Variants in SHISA9 observed in about 807,000 individuals in gnomAD.
SHISA9 encodes shisa family member 9.
A neutral mutation model predicts 38.0 loss-of-function variants in SHISA9; 13 were observed. The observed-to-expected ratio is 0.34, with a 90% CI of 0.22 to 0.54. The LOEUF (loss-of-function observed/expected upper bound fraction) is 0.54, where lower values mean the gene tolerates loss of function less well. SHISA9 is among the 20% of genes least tolerant of loss of function. The probability of loss-of-function intolerance (pLI) is 0.91; values close to 1 mark genes in which losing one functional copy is unlikely to be tolerated. For missense variants in SHISA9, 538 were observed against 575.8 expected (o/e 0.93, Z 0.67); for synonymous variants, 275 against 242.0 (o/e 1.14, Z -1.27).
At chr16:13,260,007 C>CTCTTTTTTTTTTTTTTTTTT in the SHISA9 span, among the ~76,000 whole-genome samples, 4 of 60,418 alleles carry the variant, frequency 6.6e-5, no homozygotes, top group Non-Finnish European at 1.2e-4. Context: ...TTCTTTCTTT[C>CTCTTTTTTTTTTTTTTTTTT]TTTTTTTTTT....
intron 2 of SHISA9, among the ~76,000 whole-genome samples, chr16:13,110,868 A>G (rs1265475660): frequency 6.6e-6 from 1 of 152,200 alleles, no homozygotes; most frequent in Non-Finnish European, 1.5e-5. Context: ...CTTAGTGGTA[A>G]CTGATCCTCC....
At chr16:13,301,319 T>G in the SHISA9 span, among the ~76,000 whole-genome samples, 1 of 152,348 alleles carries the variant, frequency 6.6e-6, no homozygotes, top group South Asian at 2.1e-4. Context: ...GAAGAACCAC[T>G]TGGAGAGTCT....
At chr16:13,104,741 G>A (rs1042881821) in intron 2 of SHISA9, among the ~76,000 whole-genome samples, 6 of 152,060 alleles carry the variant, frequency 3.9e-5, no homozygotes, top group Non-Finnish European at 8.8e-5. Context: ...GACGTTTTGG[G>A]GGTGCTGAAA....
the SHISA9 span, among the ~76,000 whole-genome samples, chr16:13,397,455 C>G: frequency 2.6e-5 from 4 of 151,658 alleles, no homozygotes; most frequent in African/African-American, 9.8e-5. Context: ...TAGGCAGAGT[C>G]TCGCTCTGCT....
chr16:13,559,541 C>T, the SHISA9 span, among the ~76,000 whole-genome samples: 21 of 151,904 alleles, frequency 1.4e-4, no homozygotes, highest in Non-Finnish European at 2.6e-4. Context: ...CCATGTCTGG[C>T]TAATTTTATA....
At chr16:13,388,070 G>A in the SHISA9 span, among the ~76,000 whole-genome samples, 1 of 152,126 alleles carries the variant, frequency 6.6e-6, no homozygotes, top group Non-Finnish European at 1.5e-5. Context: ...ACCTGAGACA[G>A]CCCATTCCAT....
At chr16:13,089,395 C>T (rs1332645985) in intron 2 of SHISA9, among the ~76,000 whole-genome samples, 2 of 152,176 alleles carry the variant, frequency 1.3e-5, no homozygotes, top group Non-Finnish European at 2.9e-5. Flanking sequence ...CCTCTTTGTA[C>T]CTCTGGTAGA....
At chr16:13,420,026 A>G in the SHISA9 span, among the ~76,000 whole-genome samples, 1 of 152,130 alleles carries the variant, frequency 6.6e-6, no homozygotes, top group South Asian at 2.1e-4. Context: ...CAGGCAGATC[A>G]CCTGAAGTCA....
intron 2 of SHISA9, among the ~76,000 whole-genome samples, chr16:12,920,998 G>A (rs1326086291): frequency 2.6e-5 from 4 of 152,152 alleles, no homozygotes; most frequent in African/African-American, 7.2e-5. Context: ...AGTGTAAAAC[G>A]TGTTTCCTAG....
Position 12,948,865 on chromosome 16 carries a change from T to C in SHISA9, c.691+32050T>C, listed in dbSNP as rs374797507. On this transcript the variant is annotated intron_variant, in intron 2 of 4. Coordinates refer to ENST00000558583, the MANE Select transcript of SHISA9 (RefSeq NM_001145204.3). ...TCTGAAAAAACACATATTTGCACCATGCATTTTTGTCTTATTTTTCCCAAT... is the reference window on the plus strand; with the variant it reads ...TCTGAAAAAACACATATTTGCACCACGCATTTTTGTCTTATTTTTCCCAAT... Among the ~76,000 whole-genome samples, 9 of 152,346 alleles carry C rather than the reference T, an allele frequency of 5.9e-5. No homozygotes were observed. The East Asian group carries it at 9.6e-4, about 16-fold the overall frequency.
At chr16:13,180,522 A>G (rs528713698) in intron 2 of SHISA9, among the ~76,000 whole-genome samples, 1 of 152,202 alleles carries the variant, frequency 6.6e-6, no homozygotes, top group East Asian at 1.9e-4. Flanking sequence ...ACACAGTGAG[A>G]CCTTGTGTCT....
chr16:12,912,949 C>T (rs2071205672), intron 1 of SHISA9, among the ~76,000 whole-genome samples: 1 of 152,150 alleles, frequency 6.6e-6, no homozygotes, highest in African/African-American at 2.4e-5. Flanking sequence ...CTCTTCCCAT[C>T]ATCTTCACGT....
At chr16:13,031,252 G>A (rs1359361383) in intron 2 of SHISA9, among the ~76,000 whole-genome samples, 2 of 152,092 alleles carry the variant, frequency 1.3e-5, no homozygotes, top group African/African-American at 4.8e-5. Flanking sequence ...CTGGCCCTTG[G>A]TTTCCTCCTC....
intron 2 of SHISA9, among the ~76,000 whole-genome samples, chr16:13,143,521 C>G (rs1287665470): frequency 6.6e-6 from 1 of 152,192 alleles, no homozygotes; most frequent in Non-Finnish European, 1.5e-5. Flanking sequence ...GGAAGCTGTA[C>G]TGTGATCTGG....
chr16:12,974,478 G>GTTTTTTTTTTT (rs1300169846), intron 2 of SHISA9, among the ~76,000 whole-genome samples: 1 of 132,314 alleles, frequency 7.6e-6, no homozygotes, highest in African/African-American at 2.9e-5. Context: ...GATTTCTGGT[G>GTTTTTTTTTTT]GTTTTTTTTT....
intron 2 of SHISA9, among the ~76,000 whole-genome samples, chr16:13,190,844 C>G (rs1326670557): frequency 1.3e-5 from 2 of 151,920 alleles, no homozygotes; most frequent in African/African-American, 4.8e-5. Context: ...TTTTCATGCT[C>G]AAACATATAA....
the SHISA9 span, among the ~76,000 whole-genome samples, chr16:13,500,636 GAGGGGC>G: frequency 6.7e-6 from 1 of 150,190 alleles, no homozygotes; most frequent in African/African-American, 2.4e-5. Context: ...GGGAGAGAAG[GAGGGGC>G]AGGGGGTTGG....
the SHISA9 span, among the ~76,000 whole-genome samples, chr16:13,453,421 A>C: frequency 6.6e-6 from 1 of 152,178 alleles, no homozygotes; most frequent in Non-Finnish European, 1.5e-5. Context: ...ACTTCATACA[A>C]AAGCTTGCAA....
the SHISA9 span, among the ~76,000 whole-genome samples, chr16:13,536,443 A>G: frequency 2.6e-5 from 4 of 152,196 alleles, no homozygotes; most frequent in South Asian, 8.3e-4. Context: ...TGTCTCTCTC[A>G]TTGGCTGCCA....
Sources: allele counts gnomAD v4.1 joint callset (sites outside exome capture counted in the v4.1 genomes callset), GRCh38; gene constraint gnomAD v4.1.1; transcripts MANE v1.5; gene names NCBI Gene and HGNC (gene_info 2026-07-23, HGNC 2026-07-21).